Variants in DENND2A observed in about 807,000 individuals in gnomAD.
DENND2A encodes the protein DENN domain containing 2A.
A neutral mutation model predicts 105.3 loss-of-function variants in DENND2A; 53 were observed. That is an observed-to-expected ratio of 0.50 (90% CI 0.40 to 0.63). The LOEUF (loss-of-function observed/expected upper bound fraction) is 0.63. DENND2A is among the 30% of genes least tolerant of loss of function. The pLI is 0.00. For synonymous variants in DENND2A, 522 were observed against 508.4 expected (o/e 1.03, Z -0.36); for missense variants, 1,138 against 1,279.6 (o/e 0.89, Z 1.69).
chr7:140,586,273 C>T (rs1195327953), intron 4 of DENND2A, among the ~76,000 whole-genome samples: 1 of 151,868 alleles, frequency 6.6e-6, no homozygotes, highest in Non-Finnish European at 1.5e-5. Flanking sequence ...AATCCCAGGA[C>T]TTTGGGAGGC....
At chr7:140,587,624 A>T (rs1303469479) in intron 4 of DENND2A, 29 bp downstream of exon 4, 1 of 1,612,416 alleles carries the variant, frequency 6.2e-7, no homozygotes. Context: ...ACAGACTCAG[A>T]TCCGCACACA....
intron 6 of DENND2A, among the ~76,000 whole-genome samples, chr7:140,572,622 G>T (rs2536954): frequency 0.46 from 69,867 of 151,002 alleles, 16,958 homozygotes; most frequent in African/African-American, 0.6. Flanking sequence ...TTAGCTGGGT[G>T]TGGTGACTGT....
At chr7:140,607,568 A>G (rs1246916372) in intron 1 of DENND2A, among the ~76,000 whole-genome samples, 1 of 152,190 alleles carries the variant, frequency 6.6e-6, no homozygotes, top group Admixed American at 6.5e-5. Context: ...GCCAGGCCCC[A>G]GGGCTTGCCC....
chr7:140,583,631 A>T (rs1314633144), intron 5 of DENND2A, among the ~76,000 whole-genome samples: 1 of 150,534 alleles, frequency 6.6e-6, no homozygotes. Context: ...AGTGACAATC[A>T]TATAAAAGTC....
chr7:140,641,022 G>A (rs960667674), upstream of DENND2A, among the ~76,000 whole-genome samples: 2 of 152,130 alleles, frequency 1.3e-5, no homozygotes, highest in African/African-American at 4.8e-5. Context: ...GAGGACGCCC[G>A]CCGCGCGCGG....
chr7:140,569,528 C>G, intron 7 of DENND2A, 117 bp downstream of exon 7: 1 of 769,326 alleles, frequency 1.3e-6, no homozygotes, highest in East Asian at 2.4e-5. Flanking sequence ...GGGACATTTA[C>G]AAAGCATCAG....
At chr7:140,563,638 A>G (rs990839485) in intron 9 of DENND2A, among the ~76,000 whole-genome samples, 4 of 145,618 alleles carry the variant, frequency 2.7e-5, no homozygotes, top group African/African-American at 1.0e-4. Flanking sequence ...AATGCCTGAC[A>G]TGTAAAAATG....
rs746117036 is a variant in DENND2A, at chr7:140,568,741, G to T, written c.1591+22C>A. On this transcript the variant is annotated intron_variant, in intron 8 of 19. Coordinates refer to ENST00000496613, the MANE Select transcript of DENND2A (RefSeq NM_015689.5). ...CTTCCAAGTCACCTGCCTGAGTCCT[G>T]CACAGTAGTGGCTCTCCTCACCTTT... 31 of 1,613,658 alleles carry T rather than the reference G, an allele frequency of 1.9e-5. No individual in the cohort carries two copies. In the Admixed American group the frequency reaches 4.8e-4, roughly 25 times the overall value.
Position 140,601,724 on chromosome 7 carries a change from C to T in DENND2A, c.674G>A (p.Arg225Lys). 1 of 1,614,106 alleles carries T rather than the reference C, an allele frequency of 6.2e-7. No homozygotes were observed. The highest frequency in any genetic ancestry group is 8.5e-7 in the Non-Finnish European group (1 of 1,180,028). The change falls in exon 3 of 20, where the codon AGG becomes AAG. Residue 225 changes from arginine to lysine, a missense_variant. Around this residue, in one of 2 missense-constraint regions of DENND2A, gnomAD observed 511 missense variants for 499.9 expected, o/e 1.02. Coordinates refer to ENST00000496613, the MANE Select transcript of DENND2A (RefSeq NM_015689.5). ...QRVHPSDLEG[R>K]EPTPELVEDR... ...CTCCACAAGCTCAGGGGTGGGCTCC[C>T]TGCCTTCCAGGTCCGAGGGGTGGAC...
In DENND2A at chr7:140,519,612, C is replaced by G. The variant is rs746814060; in HGVS notation, c.2998+20G>C. On this transcript the variant is annotated intron_variant, in intron 19 of 19. Transcript: ENST00000496613. ...AGCTCAGAGGCACACAGGCTGGGCACCCAGAGCCCGGGGCCTTACCTAGTC... is the reference window on the plus strand; with the variant it reads ...AGCTCAGAGGCACACAGGCTGGGCAGCCAGAGCCCGGGGCCTTACCTAGTC... The G allele has an allele frequency of 1.2e-6, 2 of 1,611,508 alleles. No individual in the cohort carries two copies. Among genetic ancestry groups the G allele is most frequent in the Admixed American group, 3.3e-5 (2 of 59,936 alleles).
chr7:140,530,059 C>CAAA (rs3042405), intron 14 of DENND2A, among the ~76,000 whole-genome samples: 3,015 of 122,404 alleles, frequency 0.025, 111 homozygotes, highest in African/African-American at 0.081. Flanking sequence ...CCCTGTTTCT[C>CAAA]AAAAAAAAAA....
At chr7:140,615,846 C>A (rs1219133941) in intron 1 of DENND2A, among the ~76,000 whole-genome samples, 1 of 151,874 alleles carries the variant, frequency 6.6e-6, no homozygotes, top group Non-Finnish European at 1.5e-5. Context: ...AGTCACTGAA[C>A]CCAGGCCTAC....
At chr7:140,592,906 C>G (rs1021827157) in intron 3 of DENND2A, among the ~76,000 whole-genome samples, 1 of 152,110 alleles carries the variant, frequency 6.6e-6, no homozygotes, top group East Asian at 1.9e-4. Flanking sequence ...CCCGGACCAC[C>G]TAGCATTATT....
rs553876585 is a variant in DENND2A, at chr7:140,635,054, G to A, written c.-248+5450C>T. Among the ~76,000 whole-genome samples, 72 of 152,178 alleles carry A rather than the reference G, an allele frequency of 4.7e-4. 1 individual carries two copies. In the South Asian group the frequency reaches 0.014, roughly 29 times the overall value. On this transcript the variant is annotated intron_variant, in intron 1 of 19. Coordinates refer to ENST00000496613, the MANE Select transcript of DENND2A (RefSeq NM_015689.5). ...GAGGCAGGTGGATTGCTTGAGTCCA[G>A]GAGTTTGAGACCAGCCTGGGCAACA...
intron 3 of DENND2A, among the ~76,000 whole-genome samples, chr7:140,589,687 TG>T (rs1367376830): frequency 6.6e-6 from 1 of 152,156 alleles, no homozygotes; most frequent in Non-Finnish European, 1.5e-5. Flanking sequence ...TGGAGTGCAG[TG>T]GTGCCACCAC....
At chr7:140,634,961 C>CA (rs112974741) in intron 1 of DENND2A, among the ~76,000 whole-genome samples, 263 of 121,270 alleles carry the variant, frequency 2.2e-3, no homozygotes, top group African/African-American at 3.8e-3. Flanking sequence ...GACTCCGTCT[C>CA]AAAAAAAAAA....
chr7:140,578,281 C>T (rs1490318998), intron 5 of DENND2A, among the ~76,000 whole-genome samples: 8 of 152,156 alleles, frequency 5.3e-5, no homozygotes, highest in Non-Finnish European at 1.0e-4. Flanking sequence ...GGGGGCCAAG[C>T]TGGATTCGAG....
chr7:140,637,719 G>A (rs949740105), intron 1 of DENND2A, among the ~76,000 whole-genome samples: 41 of 152,104 alleles, frequency 2.7e-4, no homozygotes, highest in African/African-American at 8.9e-4. Flanking sequence ...CTGCTTCCCC[G>A]GGGGTCAGGA....
At position 140,525,783 on chromosome 7, in the gene DENND2A, C is replaced by T. The variant is rs754345800; in HGVS notation, c.2515G>A (p.Val839Ile). Residue 839 changes from valine (V) to isoleucine (I), a missense_variant, in exon 16 of 20, where the codon GTT becomes ATT. Around this residue, in one of 2 missense-constraint regions of DENND2A, gnomAD observed 627 missense variants for 779.8 expected, o/e 0.80. Transcript: ENST00000496613. ...AGGAACCGGCTGTTGACGAGGTCAA[C>T]CACAAGGACCTATGAGATGAGACGA... ...RELPLEEVLV[V>I]DLVNSRFLRQ... is the part of the protein sequence containing the mutation. 7.5e-6 allele frequency: 12 copies of T among 1,603,688 alleles called. No homozygotes were observed. The highest frequency in any genetic ancestry group is 9.4e-6 in the Non-Finnish European group (11 of 1,174,880).
Sources: gnomAD v4.1 joint callset for allele counts (sites outside exome capture counted in the v4.1 genomes callset) on GRCh38, gnomAD v4.1.1 for gene constraint, gnomAD v4.1.1 regional missense constraint, MANE v1.5 for transcripts, NCBI Gene and HGNC (gene_info 2026-07-23, HGNC 2026-07-21) for gene names.